Variants in EEFSEC observed in about 807,000 individuals in gnomAD.
The protein encoded by EEFSEC is eukaryotic elongation factor, selenocysteine-tRNA specific, also known as selenocysteine-specific elongation factor.
In EEFSEC, 43 loss-of-function variants were observed where a neutral mutation model predicts 42.1. The observed-to-expected ratio is 1.02, with a 90% CI of 0.80 to 1.32. The LOEUF (loss-of-function observed/expected upper bound fraction) is 1.32. Among genes scored for constraint, EEFSEC ranks in the 40% most tolerant of loss-of-function variants. The probability of loss-of-function intolerance (pLI) is 0.00; values close to 1 mark genes in which losing one functional copy is unlikely to be tolerated. For synonymous variants in EEFSEC, 354 were observed against 339.1 expected (o/e 1.04, Z -0.48); for missense variants, 745 against 803.6 (o/e 0.93, Z 0.88).
chr3:128,160,262 A>C (rs1013111858), intron 1 of EEFSEC, among the ~76,000 whole-genome samples: 7 of 152,272 alleles, frequency 4.6e-5, no homozygotes, highest in Non-Finnish European at 8.8e-5. Context: ...GCACAAGGGC[A>C]AAAGCAGGAG....
chr3:128,228,747 G>T (rs2065932288), intron 1 of EEFSEC, among the ~76,000 whole-genome samples: 1 of 152,148 alleles, frequency 6.6e-6, no homozygotes, highest in Admixed American at 6.5e-5. Flanking sequence ...AACTCTCTGT[G>T]CCTTGATGTG....
intron 1 of EEFSEC, among the ~76,000 whole-genome samples, chr3:128,191,357 A>T (rs959212538): frequency 4.6e-5 from 7 of 152,086 alleles, no homozygotes; most frequent in Non-Finnish European, 8.8e-5. Context: ...TGGTGGCATG[A>T]TCATTTAGCT....
chr3:128,273,822 G>A (rs2066439431), intron 4 of EEFSEC, among the ~76,000 whole-genome samples: 1 of 152,184 alleles, frequency 6.6e-6, no homozygotes, highest in South Asian at 2.1e-4. Context: ...CTAAGGAAGG[G>A]GACAGGCAGG....
At chr3:128,170,388 C>T (rs180809002) in intron 1 of EEFSEC, among the ~76,000 whole-genome samples, 72 of 151,848 alleles carry the variant, frequency 4.7e-4, no homozygotes, top group Non-Finnish European at 9.1e-4. Flanking sequence ...ATGACGAAAC[C>T]CCGTCTCTAC....
chr3:128,226,838 G>A (rs2065912532), intron 1 of EEFSEC, among the ~76,000 whole-genome samples: 1 of 152,182 alleles, frequency 6.6e-6, no homozygotes, highest in Non-Finnish European at 1.5e-5. Flanking sequence ...AGATATGGTG[G>A]TGCACAGAGG....
intron 5 of EEFSEC, among the ~76,000 whole-genome samples, chr3:128,348,289 T>C (rs893716619): frequency 5.9e-5 from 9 of 151,770 alleles, no homozygotes; most frequent in Admixed American, 5.9e-4. Flanking sequence ...TGTGTGTGTG[T>C]GTGCGTGTGT....
intron 6 of EEFSEC, among the ~76,000 whole-genome samples, chr3:128,400,526 C>G (rs908449700): frequency 1.3e-5 from 2 of 152,242 alleles, no homozygotes; most frequent in African/African-American, 2.4e-5. Context: ...GGCTCTGGCT[C>G]TCTTCCAACC....
At chr3:128,262,016 G>A (rs1439223749) in intron 2 of EEFSEC, 112 bp from the exon 3 acceptor site, 1 of 939,282 alleles carries the variant, frequency 1.1e-6, no homozygotes, top group East Asian at 2.4e-5. Context: ...TTGATGTGGG[G>A]AGAGAAGAGG....
At chr3:128,361,785 C>T (rs1365331216) in intron 6 of EEFSEC, among the ~76,000 whole-genome samples, 1 of 152,204 alleles carries the variant, frequency 6.6e-6, no homozygotes, top group Non-Finnish European at 1.5e-5. Flanking sequence ...AATTGTACTT[C>T]ATGGGAGGAT....
intron 2 of EEFSEC, among the ~76,000 whole-genome samples, chr3:128,250,357 GT>G (rs1324123510): frequency 1.3e-5 from 2 of 151,638 alleles, no homozygotes; most frequent in Admixed American, 6.6e-5. Context: ...TTTATCCAGT[GT>G]TTTTTTCTAA....
At chr3:128,385,262 C>T (rs1161620420) in intron 6 of EEFSEC, among the ~76,000 whole-genome samples, 2 of 152,192 alleles carry the variant, frequency 1.3e-5, no homozygotes, top group Non-Finnish European at 2.9e-5. Context: ...GAGCTGGCCA[C>T]AGGGGCCAGG....
intron 6 of EEFSEC, among the ~76,000 whole-genome samples, chr3:128,360,452 A>G (rs2067511005): frequency 6.6e-6 from 1 of 152,194 alleles, no homozygotes; most frequent in African/African-American, 2.4e-5. Context: ...CTTCCCCTAA[A>G]CAGCTCTGGG....
chr3:128,371,088 T>C (rs2067648224), intron 6 of EEFSEC, among the ~76,000 whole-genome samples: 2 of 152,318 alleles, frequency 1.3e-5, no homozygotes, highest in Admixed American at 1.3e-4. Flanking sequence ...CTTTGATATA[T>C]ATAAAATGAT....
At chr3:128,209,666 A>G (rs2065735793) in intron 1 of EEFSEC, among the ~76,000 whole-genome samples, 1 of 152,236 alleles carries the variant, frequency 6.6e-6, no homozygotes, top group Non-Finnish European at 1.5e-5. Flanking sequence ...AGCCTTTGCA[A>G]AAGTAGAATA....
the EEFSEC span, among the ~76,000 whole-genome samples, chr3:128,419,364 C>T: frequency 1.3e-5 from 2 of 152,190 alleles, no homozygotes; most frequent in Non-Finnish European, 2.9e-5. Flanking sequence ...GTCTGAGTGT[C>T]CTGTGGATAA....
At chr3:128,401,947 C>T (rs940914203) in intron 6 of EEFSEC, among the ~76,000 whole-genome samples, 8 of 152,222 alleles carry the variant, frequency 5.3e-5, no homozygotes, top group Non-Finnish European at 1.2e-4. Context: ...ATGGCAGAGA[C>T]AGCACCATGG....
At chr3:128,183,849 G>A (rs532282998) in intron 1 of EEFSEC, among the ~76,000 whole-genome samples, 1 of 152,308 alleles carries the variant, frequency 6.6e-6, no homozygotes, top group South Asian at 2.1e-4. Flanking sequence ...TCTGTGTAAG[G>A]AGTGATGTTC....
chr3:128,399,280 T>A (rs1056239992), intron 6 of EEFSEC, among the ~76,000 whole-genome samples: 1 of 152,164 alleles, frequency 6.6e-6, no homozygotes. Flanking sequence ...AAGCTTAATG[T>A]AAATTAAAGG....
chr3:128,335,852 T>C (rs1284374935), intron 4 of EEFSEC, among the ~76,000 whole-genome samples: 1 of 152,228 alleles, frequency 6.6e-6, no homozygotes, highest in African/African-American at 2.4e-5. Context: ...CCCTGTCTCC[T>C]GATGGCTGGT....
Sources: gnomAD v4.1 joint callset for allele counts (sites outside exome capture counted in the v4.1 genomes callset) on GRCh38, gnomAD v4.1.1 for gene constraint, MANE v1.5 for transcripts, NCBI Gene and HGNC (gene_info 2026-07-23, HGNC 2026-07-21) for gene names.